The following PLPPR1 variants were observed in gnomAD, a reference collection of about 807,000 sequenced individuals.
The protein encoded by PLPPR1 is phospholipid phosphatase related 1, also known as phospholipid phosphatase-related protein type 1.
Under a neutral mutation model 33.1 loss-of-function variants are expected in PLPPR1, and 10 were observed. The observed-to-expected ratio is 0.30, with a 90% CI of 0.19 to 0.51. The LOEUF is 0.51. Ranked by LOEUF, PLPPR1 falls within the 20% of genes least tolerant of loss-of-function variation. PLPPR1 has a pLI of 0.97. For synonymous variants in PLPPR1, 151 were observed against 151.0 expected, an observed-to-expected ratio of 1.00 and a Z score of 0.00; for missense variants, 304 against 408.1, an observed-to-expected ratio of 0.74 and a Z score of 2.20.
Position 101,324,950 on chromosome 9 carries a change from T to G in PLPPR1, c.*893T>G, listed in dbSNP as rs1829225163. 1 of 152,666 alleles carries G rather than the reference T, an allele frequency of 6.6e-6. No individual in the cohort carries two copies. Among genetic ancestry groups the G allele is most frequent in the Non-Finnish European group, 1.5e-5 (1 of 68,050 alleles). The allele number at this position is 152,666 out of a possible 1,614,324, so 9.5% of individuals were successfully genotyped here. ...TTCACTTTGTGGCTTTTAATTATTC[T>G]AGAATTTTAACTGCATCTCATTTTT... On this transcript the variant is annotated 3_prime_UTR_variant, in exon 8 of 8. Transcript: ENST00000374874.
At chr9:101,318,400 T>G (rs1031096049) in intron 7 of PLPPR1, among the ~76,000 whole-genome samples, 3 of 152,156 alleles carry the variant, frequency 2.0e-5, no homozygotes, top group Non-Finnish European at 2.9e-5. Flanking sequence ...TGCTAGGAGC[T>G]TTACAAATAT....
At chr9:101,236,536 T>TCACACACA (rs60508436) in intron 2 of PLPPR1, among the ~76,000 whole-genome samples, 3,766 of 148,678 alleles carry the variant, frequency 0.025, 142 homozygotes, top group African/African-American at 0.083. Context: ...CTCTCTAAAC[T>TCACACACA]CACACACACA....
chr9:101,089,132 A>G (rs1168798854), intron 1 of PLPPR1, among the ~76,000 whole-genome samples: 1 of 152,162 alleles, frequency 6.6e-6, no homozygotes, highest in Non-Finnish European at 1.5e-5. Context: ...AGTATTTGGC[A>G]GGCATTATGC....
intron 1 of PLPPR1, among the ~76,000 whole-genome samples, chr9:101,056,871 C>T (rs1424139531): frequency 6.6e-6 from 1 of 152,072 alleles, no homozygotes; most frequent in African/African-American, 2.4e-5. Context: ...GTATGAACCA[C>T]AAAGGAGTGG....
rs1828554687 is a variant in PLPPR1, at chr9:101,293,290, C to A, written c.385+7054C>A. ...TATATGCACCCAATACAGGACCACCCAGATTCATAAAGCAAGTCCTGAGTG... is the reference window on the plus strand; with the variant it reads ...TATATGCACCCAATACAGGACCACCAAGATTCATAAAGCAAGTCCTGAGTG... On this transcript the variant is annotated intron_variant, in intron 4 of 7. Coordinates refer to ENST00000374874, the MANE Select transcript of PLPPR1 (RefSeq NM_207299.2). Among the ~76,000 whole-genome samples the A allele has an allele frequency of 2.6e-5, 4 of 151,768 alleles. No individual in the cohort carries two copies. The South Asian group carries it at 8.3e-4, about 32-fold the overall frequency.
chr9:101,068,819 G>T (rs1466121067), intron 1 of PLPPR1, among the ~76,000 whole-genome samples: 1 of 152,092 alleles, frequency 6.6e-6, no homozygotes, highest in African/African-American at 2.4e-5. Flanking sequence ...AGACAGACAA[G>T]AACGTTACTT....
chr9:101,035,680 T>C lies in PLPPR1; in HGVS notation c.-46+6578T>C, dbSNP rs1830001645. 2.0e-5 allele frequency among the ~76,000 whole-genome samples: 3 copies of C among 152,196 alleles called. No individual in the cohort carries two copies. In the South Asian group the frequency reaches 6.2e-4, roughly 31 times the overall value. ...GTGCTTGGCATATATAAGCGTTCAG[T>C]AAACGTTTTTGATTGAATAACTGAA... On this transcript the variant is annotated intron_variant, in intron 1 of 7. Coordinates refer to ENST00000374874, the MANE Select transcript of PLPPR1 (RefSeq NM_207299.2).
intron 1 of PLPPR1, among the ~76,000 whole-genome samples, chr9:101,094,243 A>G (rs1478163503): frequency 6.6e-6 from 1 of 152,106 alleles, no homozygotes; most frequent in African/African-American, 2.4e-5. Context: ...GGCCTTTGCT[A>G]TCTGGTTCTA....
intron 1 of PLPPR1, among the ~76,000 whole-genome samples, chr9:101,081,771 T>C (rs1830622425): frequency 6.6e-6 from 1 of 152,218 alleles, no homozygotes; most frequent in African/African-American, 2.4e-5. Context: ...GATTAGGTAA[T>C]AGCAGAAATC....
At chr9:101,261,585 T>G (rs184746892) in intron 2 of PLPPR1, among the ~76,000 whole-genome samples, 35 of 152,246 alleles carry the variant, frequency 2.3e-4, no homozygotes, top group African/African-American at 7.9e-4. Flanking sequence ...AGGTCTGTCA[T>G]GGAATCAACC....
At chr9:101,266,279 T>C (rs1434079890) in intron 2 of PLPPR1, among the ~76,000 whole-genome samples, 1 of 150,708 alleles carries the variant, frequency 6.6e-6, no homozygotes, top group Non-Finnish European at 1.5e-5. Context: ...ATACAAAAAA[T>C]TAGCCAGGCG....
intron 1 of PLPPR1, among the ~76,000 whole-genome samples, chr9:101,130,006 T>G (rs953443847): frequency 9.9e-5 from 15 of 152,144 alleles, no homozygotes; most frequent in Admixed American, 9.8e-4. Context: ...TTAATGTAGT[T>G]GCCTGGGGAT....
rs1220422488 is a variant in PLPPR1, at chr9:101,295,284, G to C, written c.385+9048G>C. ...TCTTCAAGGAGAACTACAAACCGCT[G>C]CTCAAGGAAATAAAAGAGGATACAA... On this transcript the variant is annotated intron_variant, in intron 4 of 7. Coordinates refer to ENST00000374874, the MANE Select transcript of PLPPR1 (RefSeq NM_207299.2). Among the ~76,000 whole-genome samples, 168 of 151,976 alleles carry C rather than the reference G, an allele frequency of 1.1e-3. 1 individual carries two copies. Among genetic ancestry groups the C allele is most frequent in the Non-Finnish European group, 1.6e-3 (110 of 67,960 alleles).
intron 1 of PLPPR1, among the ~76,000 whole-genome samples, chr9:101,033,417 A>T (rs1482761641): frequency 6.6e-6 from 1 of 152,220 alleles, no homozygotes; most frequent in African/African-American, 2.4e-5. Context: ...GGAAAGCATT[A>T]GTAGAGATCC....
rs1436299563 is a variant in PLPPR1 at position 101,243,113 on chromosome 9, T to C, written c.64-26767T>C. On this transcript the variant is annotated intron_variant, in intron 2 of 7. Coordinates refer to ENST00000374874, the MANE Select transcript of PLPPR1 (RefSeq NM_207299.2). ...CAGAGGTATAACAAAGTGAGACACA[T>C]GTAGGTAACCTTACCTGAAGTAGAA... Among the ~76,000 whole-genome samples, 5 of 152,110 alleles carry C rather than the reference T, an allele frequency of 3.3e-5. No homozygotes were observed. In the East Asian group the frequency reaches 7.8e-4, roughly 24 times the overall value.
rs148318232 is a variant in PLPPR1 at position 101,183,280 on chromosome 9, A to G, written c.-45-2170A>G. 9.3e-3 allele frequency among the ~76,000 whole-genome samples: 1,410 copies of G among 151,916 alleles called. 10 individuals are homozygous for G. The highest frequency in any genetic ancestry group is 0.012 in the Admixed American group (180 of 15,220). On this transcript the variant is annotated intron_variant, in intron 1 of 7. Coordinates refer to ENST00000374874, the MANE Select transcript of PLPPR1 (RefSeq NM_207299.2). Reference sequence around the variant, plus strand: ...TTCAAAACAATCTAAATGTCTACCAACTGGTAAAAGTGCAATAGCCATACA... The same window carrying G: ...TTCAAAACAATCTAAATGTCTACCAGCTGGTAAAAGTGCAATAGCCATACA...
At chr9:101,309,082 G>C (rs78421496) in intron 4 of PLPPR1, 129 bp from the exon 5 acceptor site, 4 of 898,266 alleles carry the variant, frequency 4.5e-6, no homozygotes, top group Non-Finnish European at 5.2e-6. Context: ...CTCCTGGAAA[G>C]ATACTCCGGG....
chr9:101,110,044 G>T (rs716157), intron 1 of PLPPR1, among the ~76,000 whole-genome samples: 54,289 of 151,998 alleles, frequency 0.36, 10,142 homozygotes, highest in Non-Finnish European at 0.43. Flanking sequence ...AAAGAAAACA[G>T]CTCTTGTTAT....
chr9:101,185,527 T>C lies in PLPPR1; in HGVS notation c.33T>C (p.Tyr11=), dbSNP rs1300284869. 6.2e-7 allele frequency: 1 copy of C among 1,610,254 alleles called. No homozygotes were observed. Among genetic ancestry groups the C allele is most frequent in the Non-Finnish European group, 8.5e-7 (1 of 1,177,478 alleles). MAVGNNTQRS[Y]SIIPCFIFVE... Reference sequence around the variant, plus strand: ...TAGGAAACAACACTCAACGAAGTTATTCCATCATCCCGTGTTTTATATTTG... The same window carrying C: ...TAGGAAACAACACTCAACGAAGTTACTCCATCATCCCGTGTTTTATATTTG... The change falls in exon 2 of 8, where the codon TAT becomes TAC. Residue 11 remains tyrosine, a synonymous_variant. Transcript: ENST00000374874.
Sources: gnomAD v4.1 joint callset for allele counts (sites outside exome capture counted in the v4.1 genomes callset) on GRCh38, gnomAD v4.1.1 for gene constraint, MANE v1.5 for transcripts, NCBI Gene and HGNC (gene_info 2026-07-23, HGNC 2026-07-21) for gene names.